SLC18A2: variants seen among roughly 807,000 people sequenced by gnomAD.
SLC18A2 encodes synaptic vesicular amine transporter.
SLC18A2 carries 33 observed loss-of-function variants against 59.2 expected under a neutral mutation model. The ratio of observed to expected loss-of-function variants is 0.56; its 90% CI spans 0.42 to 0.75. SLC18A2 has a LOEUF of 0.75. Ranked by LOEUF, SLC18A2 falls within the 30% of genes least tolerant of loss-of-function variation. SLC18A2 has a pLI of 0.00. For missense variants in SLC18A2, 569 were observed against 668.6 expected, an observed-to-expected ratio of 0.85 and a Z score of 1.64; for synonymous variants, 228 against 253.5, an observed-to-expected ratio of 0.90 and a Z score of 0.95.
intron 3 of SLC18A2, among the ~76,000 whole-genome samples, chr10:117,249,601 C>T (rs1004250492): frequency 2.2e-4 from 33 of 152,184 alleles, no homozygotes; most frequent in African/African-American, 5.8e-4. Context: ...AGTCTGTATG[C>T]TTCTTGTAAT....
At chr10:117,246,490 T>A (rs1029574380) in intron 3 of SLC18A2, among the ~76,000 whole-genome samples, 2 of 152,220 alleles carry the variant, frequency 1.3e-5, no homozygotes, top group Non-Finnish European at 2.9e-5. Flanking sequence ...AACATTATCT[T>A]CCATTTTGTG....
intron 15 of SLC18A2, among the ~76,000 whole-genome samples, chr10:117,273,164 G>T (rs1844446000): frequency 6.6e-6 from 1 of 152,184 alleles, no homozygotes; most frequent in African/African-American, 2.4e-5. Context: ...TAGTTTATAA[G>T]CATGTGAGTT....
intron 3 of SLC18A2, among the ~76,000 whole-genome samples, chr10:117,250,796 G>C (rs1347759972): frequency 6.6e-6 from 1 of 152,200 alleles, no homozygotes; most frequent in Non-Finnish European, 1.5e-5. Flanking sequence ...CTGGTTCCCT[G>C]CCTACAGTCG....
chr10:117,274,426 T>A lies in SLC18A2; in HGVS notation c.1441-2736T>A, dbSNP rs1006487367. 3.3e-5 allele frequency among the ~76,000 whole-genome samples: 5 copies of A among 152,168 alleles called. No individual in the cohort carries two copies. The South Asian group carries it at 1.0e-3, about 32-fold the overall frequency. ...GCCCAGTCCTAGGTTCTGGGGTCCT[T>A]AAGATGACATATTCCTACATTCAGG... On this transcript the variant is annotated intron_variant, in intron 15 of 15. Transcript: ENST00000644641.
chr10:117,241,948 G>T, intron 2 of SLC18A2, 134 bp downstream of exon 2: 1 of 914,118 alleles, frequency 1.1e-6, no homozygotes, highest in Non-Finnish European at 1.6e-6. Context: ...TTGCAAAAAA[G>T]ACATCCCCTC....
chr10:117,270,490 C>T (rs1844412807), intron 15 of SLC18A2, 27 bp downstream of exon 15: 6 of 1,610,340 alleles, frequency 3.7e-6, no homozygotes, highest in Non-Finnish European at 4.2e-6. Flanking sequence ...ATGCAGTGAG[C>T]ATTTCTTGAT....
chr10:117,248,669 A>G (rs762854163), intron 3 of SLC18A2, among the ~76,000 whole-genome samples: 10 of 152,242 alleles, frequency 6.6e-5, no homozygotes, highest in Non-Finnish European at 1.0e-4. Context: ...ATATATGTCC[A>G]TAAGAGGAAA....
intron 3 of SLC18A2, among the ~76,000 whole-genome samples, chr10:117,246,579 GT>G (rs1371966720): frequency 2.0e-5 from 3 of 152,216 alleles, no homozygotes; most frequent in Non-Finnish European, 4.4e-5. Flanking sequence ...ATCCCCAACT[GT>G]TTTGTCCAGC....
Position 117,244,072 on chromosome 10 carries a change from TTCCA to T in SLC18A2, c.224_227del (p.Phe75Ter), listed in dbSNP as rs1418872762. 6.2e-7 allele frequency: 1 copy of T among 1,614,184 alleles called. No individual in the cohort carries two copies. The highest frequency in any genetic ancestry group is 1.7e-5 in the Admixed American group (1 of 60,024). ...GCACACTGCCTCCATCTCAGACAGC[TTCCA>T]GAGCATCTTCTCCTATTATGATAAC... On this transcript the variant is annotated frameshift_variant, in exon 3 of 16. Transcript: ENST00000644641. LOFTEE classifies it high-confidence loss of function.
intron 15 of SLC18A2, among the ~76,000 whole-genome samples, chr10:117,274,159 CT>C (rs36083737): frequency 6.6e-6 from 1 of 152,036 alleles, no homozygotes; most frequent in African/African-American, 2.4e-5. Context: ...TTGTGTATAA[CT>C]TTTTTTTAAA....
chr10:117,254,576 C>A lies in SLC18A2; in HGVS notation c.700+79C>A, dbSNP rs549315014. On this transcript the variant is annotated intron_variant, in intron 6 of 15. Coordinates refer to ENST00000644641, the MANE Select transcript of SLC18A2 (RefSeq NM_003054.6). ...GACAGCGGCAGTCCTCGCCCAGTGA[C>A]CCTGGCGCAGTTTGCACTGACACAG... 4.1e-4 allele frequency: 409 copies of A among 1,000,510 alleles called. 4 individuals are homozygous for A. The South Asian group carries it at 7.9e-3, about 19-fold the overall frequency. 62.0% of individuals were successfully genotyped at this position (1,000,510 alleles called of 1,614,324 possible).
chr10:117,270,213 A>G, intron 14 of SLC18A2, 23 bp downstream of exon 14: 1 of 1,614,074 alleles, frequency 6.2e-7, no homozygotes. Context: ...GCTTTTCATA[A>G]GAACCTTTTA....
At chr10:117,256,232 C>T (rs1264964332) in intron 9 of SLC18A2, among the ~76,000 whole-genome samples, 1 of 152,224 alleles carries the variant, frequency 6.6e-6, no homozygotes, top group African/African-American at 2.4e-5. Flanking sequence ...GGTTTTGTGA[C>T]TCTTGGGAAG....
intron 10 of SLC18A2, among the ~76,000 whole-genome samples, chr10:117,261,085 C>T (rs902394762): frequency 2.0e-5 from 3 of 152,080 alleles, no homozygotes; most frequent in African/African-American, 7.2e-5. Context: ...CAGGCTGGGC[C>T]GGTGGCTTAT....
At chr10:117,250,097 C>T (rs762381184) in intron 3 of SLC18A2, among the ~76,000 whole-genome samples, 7 of 152,134 alleles carry the variant, frequency 4.6e-5, no homozygotes, top group Non-Finnish European at 1.0e-4. Flanking sequence ...GGACGCTGGA[C>T]GACTCTCCTT....
chr10:117,264,899 C>T (rs1279444239), intron 10 of SLC18A2, among the ~76,000 whole-genome samples: 1 of 152,136 alleles, frequency 6.6e-6, no homozygotes, highest in Non-Finnish European at 1.5e-5. Flanking sequence ...AGTTCCAGGT[C>T]CCCAGAGCAT....
Position 117,269,254 on chromosome 10 carries a change from CACAG to C in SLC18A2, c.1187-813_1187-810del, listed in dbSNP as rs1844394335. ...ACAAGTACATACACAAACACATATA[CACAG>C]ACACATACACATGCAAACACATGTA... On this transcript the variant is annotated intron_variant, in intron 13 of 15. Coordinates refer to ENST00000644641, the MANE Select transcript of SLC18A2 (RefSeq NM_003054.6). This position sits in a 1 kb window ranked among gnomAD's most constrained non-coding sequence, Gnocchi z 5.1. Among the ~76,000 whole-genome samples, 2 of 151,844 alleles carry C rather than the reference CACAG, an allele frequency of 1.3e-5. No homozygotes were observed. Among genetic ancestry groups the C allele is most frequent in the South Asian group, 2.1e-4 (1 of 4,824 alleles).
intron 15 of SLC18A2, among the ~76,000 whole-genome samples, chr10:117,276,630 A>AAAGAAAG (rs1554953529): frequency 7.2e-4 from 16 of 22,310 alleles, no homozygotes; most frequent in African/African-American, 1.3e-3. Flanking sequence ...AAAAAAAAAA[A>AAAGAAAG]AAAGAAAGAA....
chr10:117,241,947 A>C (rs1844060654), intron 2 of SLC18A2, 133 bp downstream of exon 2: 5 of 918,062 alleles, frequency 5.4e-6, no homozygotes, highest in African/African-American at 1.8e-5. Flanking sequence ...TTTGCAAAAA[A>C]GACATCCCCT....
Sources: allele counts gnomAD v4.1 joint callset (sites outside exome capture counted in the v4.1 genomes callset), GRCh38; gene constraint gnomAD v4.1.1; non-coding constraint Gnocchi (gnomAD v3.1); transcripts MANE v1.5; gene names NCBI Gene and HGNC (gene_info 2026-07-23, HGNC 2026-07-21).